Variants in RAP1GDS1 observed in about 807,000 individuals in gnomAD.
RAP1GDS1 encodes RAP1, GTP-GDP dissociation stimulator 1.
In RAP1GDS1, 35 loss-of-function variants were observed where a neutral mutation model predicts 71.1. The observed-to-expected ratio is 0.49, with a 90% confidence interval of 0.38 to 0.65. The LOEUF (loss-of-function observed/expected upper bound fraction) is 0.65, where lower values mean the gene tolerates loss of function less well. RAP1GDS1 is among the 30% of genes least tolerant of loss of function. The pLI is 0.00. For synonymous variants in RAP1GDS1, 229 were observed against 243.1 expected, an observed-to-expected ratio of 0.94 and a Z score of 0.54; for missense variants, 663 against 706.1, an observed-to-expected ratio of 0.94 and a Z score of 0.69.
chr4:98,417,566 C>A, intron 9 of RAP1GDS1, 68 bp downstream of exon 9: 1 of 1,490,334 alleles, frequency 6.7e-7, no homozygotes, highest in Non-Finnish European at 9.2e-7. Flanking sequence ...TTTGCTACCA[C>A]ATATACTAAA....
chr4:98,425,401 T>C (rs970893981), intron 12 of RAP1GDS1, among the ~76,000 whole-genome samples: 4 of 152,140 alleles, frequency 2.6e-5, no homozygotes, highest in African/African-American at 9.7e-5. Context: ...ATACTAAGAT[T>C]GAATGTAAAT....
At chr4:98,293,965 C>A (rs1367744523) in intron 2 of RAP1GDS1, among the ~76,000 whole-genome samples, 1 of 151,886 alleles carries the variant, frequency 6.6e-6, no homozygotes, top group Non-Finnish European at 1.5e-5. Context: ...ATAATTGTAC[C>A]TTAAAATAAT....
At chr4:98,381,315 A>G (rs1360239991) in intron 5 of RAP1GDS1, among the ~76,000 whole-genome samples, 2 of 151,642 alleles carry the variant, frequency 1.3e-5, no homozygotes, top group Non-Finnish European at 3.0e-5. Context: ...AACTATCATC[A>G]TCTTTCCTCT....
At chr4:98,351,418 A>G (rs1041953768) in intron 3 of RAP1GDS1, among the ~76,000 whole-genome samples, 7 of 152,194 alleles carry the variant, frequency 4.6e-5, no homozygotes, top group African/African-American at 1.7e-4. Flanking sequence ...GGTATGCTCT[A>G]AGAATTTGAA....
At chr4:98,348,929 C>G (rs1012806497) in intron 3 of RAP1GDS1, among the ~76,000 whole-genome samples, 3 of 152,156 alleles carry the variant, frequency 2.0e-5, no homozygotes, top group African/African-American at 7.2e-5. Flanking sequence ...CCTGTTCACT[C>G]TGATGGTAGT....
rs775937216 is a variant in RAP1GDS1 at position 98,417,452 on chromosome 4, G to A, written c.993G>A (p.Gln331=). ...VLSWIPSNNH[Q]LQLAGALAIA... is the part of the protein sequence containing the mutation. The stretch of plus-strand genomic sequence containing the variant: ...CTTGGATCCCATCAAATAACCACCA[G>A]CTACAGCTTGCTGGAGCATTGGCAA... The change falls in exon 9 of 15, where the codon CAG becomes CAA. Residue 331 remains glutamine (Q), a synonymous_variant. Coordinates refer to ENST00000408927, the MANE Select transcript of RAP1GDS1 (RefSeq NM_001100427.2). The A allele has an allele frequency of 1.5e-5, 24 of 1,613,794 alleles. No individual in the cohort carries two copies. In the Middle Eastern group the frequency reaches 4.9e-4, roughly 33 times the overall value.
chr4:98,293,631 G>T, intron 2 of RAP1GDS1, 116 bp downstream of exon 2: 1 of 741,040 alleles, frequency 1.3e-6, no homozygotes, highest in African/African-American at 1.8e-5. Flanking sequence ...GAATTCTTTT[G>T]AATCATATCC....
chr4:98,270,722 ATT>A (rs35945066), intron 1 of RAP1GDS1, among the ~76,000 whole-genome samples: 1 of 148,478 alleles, frequency 6.7e-6, no homozygotes. Context: ...TTCCATGTGG[ATT>A]TTTTTTTTTC....
intron 2 of RAP1GDS1, among the ~76,000 whole-genome samples, chr4:98,338,404 G>A (rs1735001903): frequency 6.6e-6 from 1 of 152,124 alleles, no homozygotes; most frequent in African/African-American, 2.4e-5. Flanking sequence ...TGTCTCTTTG[G>A]TAATTGAAGC....
chr4:98,308,439 T>G (rs1452163566), intron 2 of RAP1GDS1, among the ~76,000 whole-genome samples: 1 of 149,922 alleles, frequency 6.7e-6, no homozygotes, highest in Admixed American at 6.7e-5. Context: ...CACTGCACTC[T>G]AGCCTACGTG....
chr4:98,423,750 G>T lies in RAP1GDS1; in HGVS notation c.1440+2356G>T, dbSNP rs572241192. The stretch of plus-strand genomic sequence containing the variant: ...GTAGAGACGGGGTTTCTCCATTTTG[G>T]TCAGGCTGGTCTCAAACTGCCGACC... On this transcript the variant is annotated intron_variant, in intron 12 of 14. Transcript: ENST00000408927. Among the ~76,000 whole-genome samples, 5 of 152,104 alleles carry T rather than the reference G, an allele frequency of 3.3e-5. No individual in the cohort carries two copies. The South Asian group carries it at 1.0e-3, about 32-fold the overall frequency.
chr4:98,387,233 T>G (rs1742903897), intron 5 of RAP1GDS1, among the ~76,000 whole-genome samples: 1 of 152,210 alleles, frequency 6.6e-6, no homozygotes, highest in African/African-American at 2.4e-5. Context: ...AAGCTTAATC[T>G]TATAACATTG....
chr4:98,300,820 A>G (rs148776109), intron 2 of RAP1GDS1, among the ~76,000 whole-genome samples: 6 of 152,362 alleles, frequency 3.9e-5, no homozygotes, highest in East Asian at 1.9e-4. Flanking sequence ...CAAACTCACA[A>G]TATCTCTGAG....
chr4:98,276,481 AC>A (rs998506684), intron 1 of RAP1GDS1, among the ~76,000 whole-genome samples: 3 of 144,686 alleles, frequency 2.1e-5, no homozygotes, highest in African/African-American at 7.7e-5. Flanking sequence ...TTTTTTACAT[AC>A]CCTTTTTTTT....
At chr4:98,312,798 G>A (rs917892096) in intron 2 of RAP1GDS1, among the ~76,000 whole-genome samples, 2 of 151,806 alleles carry the variant, frequency 1.3e-5, no homozygotes, top group Admixed American at 6.6e-5. Context: ...GGCTGGTCAC[G>A]GTGGCTCACG....
At chr4:98,279,201 G>A (rs1286601907) in intron 1 of RAP1GDS1, among the ~76,000 whole-genome samples, 2 of 151,992 alleles carry the variant, frequency 1.3e-5, no homozygotes, top group Non-Finnish European at 2.9e-5. Context: ...TCCAGCCTGG[G>A]CGACAGAGCA....
chr4:98,365,870 C>T (rs747554950), intron 4 of RAP1GDS1, among the ~76,000 whole-genome samples: 53 of 152,140 alleles, frequency 3.5e-4, no homozygotes, highest in Non-Finnish European at 6.2e-4. Context: ...TGAAATAAAA[C>T]GGGGATGAAA....
intron 6 of RAP1GDS1, among the ~76,000 whole-genome samples, chr4:98,395,074 A>C (rs973700696): frequency 6.6e-6 from 1 of 152,188 alleles, no homozygotes; most frequent in Non-Finnish European, 1.5e-5. Context: ...TCTATTATTC[A>C]TAAATCATTT....
intron 1 of RAP1GDS1, among the ~76,000 whole-genome samples, chr4:98,289,675 T>C (rs776196315): frequency 2.6e-5 from 4 of 152,014 alleles, no homozygotes; most frequent in Non-Finnish European, 5.9e-5. Context: ...CAGAAACTAC[T>C]ATTCCTACTT....
Sources: allele counts gnomAD v4.1 joint callset (sites outside exome capture counted in the v4.1 genomes callset), GRCh38; gene constraint gnomAD v4.1.1; transcripts MANE v1.5; gene names NCBI Gene and HGNC (gene_info 2026-07-23, HGNC 2026-07-21).